The following LAMA5 variants were observed in gnomAD, a reference collection of about 807,000 sequenced individuals.
The protein encoded by LAMA5 is laminin subunit alpha-5.
In LAMA5, 260 loss-of-function variants were observed where a neutral mutation model predicts 433.4. That is an observed-to-expected ratio of 0.60 (90% CI 0.54 to 0.66). The LOEUF is 0.66. LAMA5 is among the 30% of genes least tolerant of loss of function. The probability of loss-of-function intolerance (pLI) is 0.00; values close to 1 mark genes in which losing one functional copy is unlikely to be tolerated. For synonymous variants in LAMA5, 2,620 were observed against 2,226.6 expected, an observed-to-expected ratio of 1.18 and a Z score of -4.97; for missense variants, 5,378 against 5,258.5, an observed-to-expected ratio of 1.02 and a Z score of -0.70.
At chr20:62,323,261 CTG>C (rs1978644159) in intron 45 of LAMA5, among the ~76,000 whole-genome samples, 193 bp downstream of exon 45, 1 of 91,290 alleles carries the variant, frequency 1.1e-5, no homozygotes, top group African/African-American at 4.5e-5. Context: ...GCGGGAGGGC[CTG>C]ATCGCTGGGG....
At chr20:62,323,264 ATCGCTGGGGCGGGAGGACCG>A (rs1978645600) in intron 45 of LAMA5, among the ~76,000 whole-genome samples, 172 bp downstream of exon 45, 1 of 91,260 alleles carries the variant, frequency 1.1e-5, no homozygotes, top group African/African-American at 4.5e-5. Context: ...GGAGGGCCTG[ATCGCTGGGGCGGGAGGACCG>A]GATCATAGCG....
chr20:62,323,029 C>T (rs992711052), intron 45 of LAMA5, among the ~76,000 whole-genome samples: 13 of 142,640 alleles, frequency 9.1e-5, no homozygotes, highest in African/African-American at 3.4e-4. Context: ...TGGTGTCTAA[C>T]CATGAGGGGG....
At chr20:62,318,817 C>T (rs754836381) in intron 52 of LAMA5, 26 bp downstream of exon 52, 29 of 1,607,478 alleles carry the variant, frequency 1.8e-5, no homozygotes, top group African/African-American at 5.3e-5. Flanking sequence ...CTCCCCACCC[C>T]GCCTGCCAGG....
chr20:62,322,248 C>G, intron 47 of LAMA5, 21 bp downstream of exon 47: 1 of 1,573,510 alleles, frequency 6.4e-7, no homozygotes, highest in Non-Finnish European at 8.6e-7. Context: ...ATCCGCCCTC[C>G]TGTGACCGGC....
Position 62,311,004 on chromosome 20 carries a change from C to G in LAMA5, c.10179G>C (p.Ala3393=). 6.2e-7 allele frequency: 1 copy of G among 1,610,528 alleles called. No individual in the cohort carries two copies. The change falls in exon 74 of 80, where the codon GCG becomes GCC. Residue 3393 remains alanine (A), a synonymous_variant. Transcript: ENST00000252999. ...CGAAGTGGCCATTGCTCAGGAAGAG[C>G]GCCAGGGAGGGGCTGCCGGGCCTCA... ...ARLRPGSPSL[A]LFLSNGHFVA... is the part of the protein sequence containing the mutation.
intron 13 of LAMA5, 28 bp downstream of exon 13, chr20:62,338,204 C>T (rs757412256): frequency 2.3e-5 from 37 of 1,575,848 alleles, no homozygotes; most frequent in Non-Finnish European, 2.8e-5. Flanking sequence ...CTCCCCTACC[C>T]ACGCCCACGT....
rs1986804363 is a variant in LAMA5, at chr20:62,366,981, C to T, written c.265G>A (p.Val89Met). The T allele has an allele frequency of 3.9e-6, 5 of 1,278,380 alleles. No homozygotes were observed. In the South Asian group the frequency reaches 1.3e-4, roughly 34 times the overall value. The allele number at this position is 1,278,380 out of a possible 1,614,324, so 79.2% of individuals were successfully genotyped here. The change falls in exon 1 of 80, where the codon GTG (valine) becomes ATG (methionine). Residue 89 changes from valine (V) to methionine (M), a missense_variant. Coordinates refer to ENST00000252999, the MANE Select transcript of LAMA5 (RefSeq NM_005560.6). ...DLYCKLVGGP[V>M]AGGDPNQTIR... ...GTCTGGTTGGGGTCGCCGCCGGCCA[C>T]GGGGCCCCCTACCAGCTTGCAGTAA...
Position 62,322,286 on chromosome 20 carries a change from G to T in LAMA5, c.6329C>A (p.Pro2110His). Residue 2110 changes from proline (P) to histidine (H), a missense_variant, in exon 47 of 80, where the codon CCT (proline) becomes CAT (histidine). Physicochemically the swap from Pro to His is moderately conservative, Grantham distance 77. Coordinates refer to ENST00000252999, the MANE Select transcript of LAMA5 (RefSeq NM_005560.6). ...GCACTCACGCCTGCAGCCCTGCTCA[G>T]GGAGCCCCCAGTAGCCAGGGGCACA... is the stretch of plus-strand genomic sequence containing the variant. Reference protein sequence around the residue: ...RECAPGYWGLPEQGCRRCQCP... With the variant: ...RECAPGYWGLHEQGCRRCQCP... The T allele has an allele frequency of 6.3e-7, 1 of 1,598,778 alleles. No individual in the cohort carries two copies. The highest frequency in any genetic ancestry group is 2.3e-5 in the East Asian group (1 of 44,318).
In LAMA5 at chr20:62,314,127, C is replaced by T. The variant is rs796250013; in HGVS notation, c.8504+177G>A. 4.1e-3 allele frequency among the ~76,000 whole-genome samples: 251 copies of T among 61,464 alleles called. 12 individuals carry two copies. Among genetic ancestry groups the T allele is most frequent in the Admixed American group, 6.8e-3 (31 of 4,564 alleles). 40.3% of individuals were successfully genotyped at this position (61,464 alleles called of 152,430 possible). On this transcript the variant is annotated intron_variant, in intron 62 of 79. Coordinates refer to ENST00000252999, the MANE Select transcript of LAMA5 (RefSeq NM_005560.6). ...GACGGGTGGCGAGTGGGCACAGAGA[C>T]GAGGGGTGGCGAGTGGGCACAGAGA...
At chr20:62,319,259 C>T (rs1317730807) in intron 51 of LAMA5, 5 of 556,878 alleles carry the variant, frequency 9.0e-6, no homozygotes, top group African/African-American at 1.9e-5. Flanking sequence ...TCTGAGCCTT[C>T]TCGTCCTGCC....
In LAMA5 at chr20:62,335,082, G is replaced by A. The variant is rs776453977; in HGVS notation, c.2421C>T (p.Ala807=). 2 of 1,613,040 alleles carry A rather than the reference G, an allele frequency of 1.2e-6. No homozygotes were observed. Among genetic ancestry groups the A allele is most frequent in the East Asian group, 2.2e-5 (1 of 44,886 alleles). Residue 807 remains alanine, a synonymous_variant, in exon 20 of 80, where the codon GCC becomes GCT. Coordinates refer to ENST00000252999, the MANE Select transcript of LAMA5 (RefSeq NM_005560.6). ...CFCKPHVCGQ[A]CASCKDGFFG... Reference sequence around the variant, plus strand: ...AGAAGCCATCCTTGCAGGACGCGCAGGCCTGGCCGCACACGTGGGGCTTGC... The same window carrying A: ...AGAAGCCATCCTTGCAGGACGCGCAAGCCTGGCCGCACACGTGGGGCTTGC...
intron 48 of LAMA5, 123 bp downstream of exon 48, chr20:62,321,896 C>T (rs568378191): frequency 5.4e-4 from 524 of 965,736 alleles, no homozygotes; most frequent in Non-Finnish European, 5.4e-4. Flanking sequence ...ATGGGTCTCT[C>T]GGGAAATGGA....
intron 1 of LAMA5, among the ~76,000 whole-genome samples, chr20:62,365,078 T>C (rs1373292773): frequency 1.3e-5 from 2 of 152,272 alleles, no homozygotes; most frequent in Non-Finnish European, 2.9e-5. Context: ...CCAGCTCACG[T>C]CTACCAGCTG....
chr20:62,336,871 G>T, intron 16 of LAMA5, 85 bp from the exon 17 acceptor site: 1 of 1,366,524 alleles, frequency 7.3e-7, no homozygotes, highest in Non-Finnish European at 1.0e-6. Context: ...CAGAACCCAC[G>T]GTCCCACAGG....
At chr20:62,352,668 G>A (rs1228419376) in intron 3 of LAMA5, among the ~76,000 whole-genome samples, 1 of 152,182 alleles carries the variant, frequency 6.6e-6, no homozygotes, top group African/African-American at 2.4e-5. Context: ...TCAGGCCAGG[G>A]AATTTTGGGG....
chr20:62,328,328 AG>A lies in LAMA5; in HGVS notation c.4564del (p.Leu1522TrpfsTer35), dbSNP rs1432696616. 1 of 1,602,786 alleles carries A rather than the reference AG, an allele frequency of 6.2e-7. No homozygotes were observed. The highest frequency in any genetic ancestry group is 2.2e-5 in the East Asian group (1 of 44,506). On this transcript the variant is annotated frameshift_variant, in exon 35 of 80. Transcript: ENST00000252999. LOFTEE classifies it high-confidence loss of function. ...GCAGTTACACTCCTCACAGCCGACC[AG>A]GGGGTGGCAGCCAAAGGTCTGGGGC... ...CQPQTFGCHPLVGCEECNCSG... is the reference protein window; with the variant it reads ...CQPQTFGCHPXVGCEECNCSG...
rs762839528 is a variant in LAMA5, at chr20:62,311,009, G to C, written c.10174C>G (p.Leu3392Val). 1.9e-6 allele frequency: 3 copies of C among 1,610,416 alleles called. No homozygotes were observed. The East Asian group carries it at 6.7e-5, about 36-fold the overall frequency. ...TGGCCATTGCTCAGGAAGAGCGCCA[G>C]GGAGGGGCTGCCGGGCCTCAGACGG... The part of the protein sequence containing the change: ...TARLRPGSPS[L>V]ALFLSNGHFV... The change falls in exon 74 of 80, where the codon CTG (leucine) becomes GTG (valine). Residue 3392 changes from leucine (L) to valine (V), a missense_variant. Transcript: ENST00000252999.
intron 2 of LAMA5, among the ~76,000 whole-genome samples, chr20:62,353,794 G>A (rs761876992): frequency 1.7e-4 from 26 of 151,736 alleles, no homozygotes; most frequent in Non-Finnish European, 2.8e-4. Context: ...CTCACACCGG[G>A]CACCCCTCCC....
chr20:62,327,948 G>C lies in LAMA5; in HGVS notation c.4715C>G (p.Pro1572Arg). Reference protein sequence around the residue: ...DTCSPGFHGYPRCRPCDCHEA... With the variant: ...DTCSPGFHGYRRCRPCDCHEA... ...GTGACAGTCACAGGGGCGGCAGCGG[G>C]GGTAGCCATGGAAGCCCGGAGAGCA... The change falls in exon 36 of 80, where the codon CCC becomes CGC. Residue 1572 changes from proline (P) to arginine (R), a missense_variant. Physicochemically the swap from Pro to Arg is moderately radical, Grantham distance 103. Transcript: ENST00000252999. The C allele has an allele frequency of 6.2e-7, 1 of 1,612,510 alleles. No homozygotes were observed. The highest frequency in any genetic ancestry group is 8.5e-7 in the Non-Finnish European group (1 of 1,179,910).
Sources: gnomAD v4.1 joint callset for allele counts (sites outside exome capture counted in the v4.1 genomes callset) on GRCh38, gnomAD v4.1.1 for gene constraint, MANE v1.5 for transcripts, NCBI Gene and HGNC (gene_info 2026-07-23, HGNC 2026-07-21) for gene names.